The following IL16 variants were observed in gnomAD, a reference collection of about 807,000 sequenced individuals.
IL16 encodes interleukin 16.
In IL16, 67 loss-of-function variants were observed where a neutral mutation model predicts 110.1. The ratio of observed to expected loss-of-function variants is 0.61; its 90% CI spans 0.50 to 0.75. The LOEUF (loss-of-function observed/expected upper bound fraction) is 0.75, where lower values mean the gene tolerates loss of function less well. Ranked by LOEUF, IL16 falls within the 30% of genes least tolerant of loss-of-function variation. The pLI, the probability that IL16 is intolerant of heterozygous loss-of-function variation, is 0.00. For synonymous variants in IL16, 689 were observed against 662.9 expected (o/e 1.04, Z -0.61); for missense variants, 1,545 against 1,655.0 (o/e 0.93, Z 1.15).
At chr15:81,260,152 T>C (rs1345673453) in intron 3 of IL16, among the ~76,000 whole-genome samples, 2 of 152,194 alleles carry the variant, frequency 1.3e-5, no homozygotes, top group Admixed American at 6.5e-5. Context: ...AACATGCTCC[T>C]TGGTCTTGGG....
upstream of IL16, among the ~76,000 whole-genome samples, chr15:81,196,420 A>G (rs1895598163): frequency 6.6e-6 from 1 of 152,150 alleles, no homozygotes; most frequent in Admixed American, 6.5e-5. Flanking sequence ...AAATTTTTAT[A>G]TAATTTGAGA....
chr15:81,211,407 A>G (rs1049448761), intron 1 of IL16, among the ~76,000 whole-genome samples: 6 of 152,066 alleles, frequency 3.9e-5, no homozygotes, highest in Non-Finnish European at 8.8e-5. Flanking sequence ...ATGCACCACC[A>G]TGCTCAGCTA....
rs1182270077 is a variant in IL16 at position 81,285,150 on chromosome 15, C to A, written c.1200-548C>A. ...CTCACAACTAGAATGAATGCCATCACCTTTTCTCCTTATTTCTTTTTGCAA... is the reference window on the plus strand; with the variant it reads ...CTCACAACTAGAATGAATGCCATCAACTTTTCTCCTTATTTCTTTTTGCAA... On this transcript the variant is annotated intron_variant, in intron 9 of 18. Coordinates refer to ENST00000683961, the MANE Select transcript of IL16 (RefSeq NM_172217.5). Among the ~76,000 whole-genome samples, 4 of 152,066 alleles carry A rather than the reference C, an allele frequency of 2.6e-5. No individual in the cohort carries two copies. In the South Asian group the frequency reaches 8.3e-4, roughly 32 times the overall value.
chr15:81,236,718 G>A (rs540564170), intron 2 of IL16, among the ~76,000 whole-genome samples: 37 of 152,296 alleles, frequency 2.4e-4, no homozygotes, highest in African/African-American at 8.9e-4. Context: ...TACTTTGGGA[G>A]GCTGAGGCGG....
At chr15:81,282,563 TGGCACCCAATCGACGAGTA>T (rs1899227620) in intron 8 of IL16, 57 bp from the exon 9 acceptor site, 7 of 1,027,884 alleles carry the variant, frequency 6.8e-6, no homozygotes, top group Non-Finnish European at 1.1e-5. Context: ...GCCATGTCTG[TGGCACCCAATCGACGAGTA>T]GGCCCCCTGG....
upstream of IL16, among the ~76,000 whole-genome samples, chr15:81,196,029 G>A (rs11631430): frequency 0.083 from 12,602 of 152,274 alleles, 527 homozygotes; most frequent in Middle Eastern, 0.099. Context: ...TCACCTGGAG[G>A]CTTTGTGAAA....
rs1378412087 is a variant in IL16, at chr15:81,279,599, C to T, written c.906C>T (p.Arg302=). ...KGLLTLTVRT[R]LTAPPSLCSH... ...TCCTCACCCTCACCGTGAGAACCCG[C>T]CTGACGGCGCCTCCTTCCCTGTGCA... is the stretch of plus-strand genomic sequence containing the variant. The change falls in exon 8 of 19, where the codon CGC becomes CGT. Residue 302 remains arginine, a synonymous_variant. Transcript: ENST00000683961. 2 of 1,613,884 alleles carry T rather than the reference C, an allele frequency of 1.2e-6. No homozygotes were observed. The highest frequency in any genetic ancestry group is 2.7e-5 in the African/African-American group (2 of 74,950).
chr15:81,254,458 A>G (rs188346993), intron 2 of IL16, among the ~76,000 whole-genome samples: 1 of 152,264 alleles, frequency 6.6e-6, no homozygotes, highest in East Asian at 1.9e-4. Context: ...TAGCAGTCAC[A>G]TGACCAATCC....
chr15:81,213,814 G>T (rs1262475315), intron 1 of IL16, among the ~76,000 whole-genome samples: 1 of 152,118 alleles, frequency 6.6e-6, no homozygotes, highest in African/African-American at 2.4e-5. Flanking sequence ...GTTGGGTCTT[G>T]TCTTTTTATC....
Position 81,309,834 on chromosome 15 carries a change from T to C in IL16, c.*1036T>C, listed in dbSNP as rs1900762983. 1 of 152,280 alleles carries C rather than the reference T, an allele frequency of 6.6e-6. No individual in the cohort carries two copies. Among genetic ancestry groups the C allele is most frequent in the South Asian group, 2.1e-4 (1 of 4,838 alleles). The allele number at this position is 152,280 out of a possible 1,614,324, so 9.4% of individuals were successfully genotyped here. A position where few individuals can be genotyped will look rare whatever the true frequency, so the allele number is the denominator to read the frequency against. On this transcript the variant is annotated 3_prime_UTR_variant, in exon 19 of 19. Transcript: ENST00000683961. Reference sequence around the variant, plus strand: ...CATTGCCTTTAGTGATCACAGCAGCTTCTACGGTGTATGGTTCTGTGCCAA... The same window carrying C: ...CATTGCCTTTAGTGATCACAGCAGCCTCTACGGTGTATGGTTCTGTGCCAA...
chr15:81,296,383 G>C (rs112168743), intron 12 of IL16, among the ~76,000 whole-genome samples: 4 of 152,348 alleles, frequency 2.6e-5, no homozygotes, highest in African/African-American at 9.6e-5. Context: ...TGTCACCCTA[G>C]GTGCCACAGA....
intron 4 of IL16, among the ~76,000 whole-genome samples, chr15:81,268,154 G>A (rs1898474171): frequency 6.6e-6 from 1 of 152,240 alleles, no homozygotes; most frequent in South Asian, 2.1e-4. Flanking sequence ...TGGCTTACAG[G>A]ACCTGGGTAT....
intron 1 of IL16, among the ~76,000 whole-genome samples, chr15:81,219,080 G>C (rs890098813): frequency 1.3e-5 from 2 of 152,118 alleles, no homozygotes; most frequent in African/African-American, 4.8e-5. Flanking sequence ...CAGATACTAA[G>C]CAACAGATCT....
intron 1 of IL16, among the ~76,000 whole-genome samples, chr15:81,199,331 C>G (rs1895725290): frequency 6.6e-6 from 1 of 152,120 alleles, no homozygotes; most frequent in African/African-American, 2.4e-5. Flanking sequence ...GTAAACTAGA[C>G]AGTGTTGCTC....
intron 2 of IL16, among the ~76,000 whole-genome samples, chr15:81,256,248 G>T (rs970285749): frequency 6.6e-6 from 1 of 151,266 alleles, no homozygotes; most frequent in African/African-American, 2.4e-5. Flanking sequence ...TTACATGATT[G>T]TAGTCAGTCA....
intron 13 of IL16, 54 bp downstream of exon 13, chr15:81,297,132 G>A: frequency 1.9e-6 from 3 of 1,566,312 alleles, no homozygotes; most frequent in South Asian, 2.3e-5. Context: ...AAAAGGTGCA[G>A]GGATAAGATA....
At chr15:81,247,939 C>A (rs1387622466) in intron 2 of IL16, among the ~76,000 whole-genome samples, 2 of 152,110 alleles carry the variant, frequency 1.3e-5, no homozygotes, top group Non-Finnish European at 2.9e-5. Flanking sequence ...AGATTATTTT[C>A]ATATTTTGTT....
intron 2 of IL16, among the ~76,000 whole-genome samples, chr15:81,238,799 G>A (rs1182145987): frequency 6.8e-6 from 1 of 147,858 alleles, no homozygotes; most frequent in Non-Finnish European, 1.5e-5. Flanking sequence ...TTCTTTAAGG[G>A]TAGGCCTGCT....
intron 1 of IL16, among the ~76,000 whole-genome samples, chr15:81,200,625 C>T (rs531457914): frequency 4.3e-4 from 65 of 152,294 alleles, no homozygotes; most frequent in African/African-American, 1.4e-3. Flanking sequence ...CTCGCCTCAA[C>T]CTCCCAAAGT....
Sources: gnomAD v4.1 joint callset for allele counts (sites outside exome capture counted in the v4.1 genomes callset) on GRCh38, gnomAD v4.1.1 for gene constraint, MANE v1.5 for transcripts, NCBI Gene and HGNC (gene_info 2026-07-23, HGNC 2026-07-21) for gene names.